Variants in EMCN observed in about 807,000 individuals in gnomAD.
EMCN encodes the protein endomucin, also known as MUC-14.
In EMCN, 37 loss-of-function variants were observed where a neutral mutation model predicts 38.4. That is an observed-to-expected ratio of 0.96 (90% CI 0.74 to 1.27). EMCN has a LOEUF of 1.27. EMCN is among the 50% of genes most tolerant of loss of function. The pLI, the probability that EMCN is intolerant of heterozygous loss-of-function variation, is 0.00. For synonymous variants in EMCN, 95 were observed against 100.8 expected, an observed-to-expected ratio of 0.94 and a Z score of 0.35; for missense variants, 318 against 302.8, an observed-to-expected ratio of 1.05 and a Z score of -0.37.
chr4:100,458,784 C>T (rs77178132), intron 4 of EMCN, among the ~76,000 whole-genome samples: 2,718 of 152,242 alleles, frequency 0.018, 39 homozygotes, highest in Non-Finnish European at 0.029. Flanking sequence ...CCCTTCTTTG[C>T]AGCTGGTGCT....
chr4:100,400,036 T>C (rs1282664066), intron 11 of EMCN, among the ~76,000 whole-genome samples: 1 of 152,144 alleles, frequency 6.6e-6, no homozygotes, highest in African/African-American at 2.4e-5. Context: ...CAATCCTTCA[T>C]GATTTATCTT....
chr4:100,454,759 G>A (rs942025321), intron 4 of EMCN, among the ~76,000 whole-genome samples: 17 of 152,110 alleles, frequency 1.1e-4, no homozygotes, highest in African/African-American at 3.4e-4. Context: ...AACATTTGGT[G>A]TCTTGTACTT....
chr4:100,447,425 C>A, intron 5 of EMCN, 108 bp downstream of exon 5: 1 of 754,316 alleles, frequency 1.3e-6, no homozygotes, highest in South Asian at 1.6e-5. Context: ...GTAATGTTTT[C>A]CCTTGTGCTA....
intron 11 of EMCN, among the ~76,000 whole-genome samples, chr4:100,398,934 C>A (rs150906920): frequency 1.3e-5 from 2 of 152,106 alleles, no homozygotes; most frequent in Non-Finnish European, 2.9e-5. Flanking sequence ...TCTCATATTC[C>A]TTTTCTGATT....
chr4:100,415,770 T>C (rs1162403274), intron 10 of EMCN, 128 bp downstream of exon 10: 2 of 606,126 alleles, frequency 3.3e-6, no homozygotes, highest in Non-Finnish European at 5.8e-6. Flanking sequence ...TTTACACTTA[T>C]TGACAGTAAT....
At chr4:100,456,036 T>G (rs1265798842) in intron 4 of EMCN, among the ~76,000 whole-genome samples, 3 of 152,108 alleles carry the variant, frequency 2.0e-5, no homozygotes, top group Admixed American at 6.6e-5. Flanking sequence ...CTCAAGCGAT[T>G]TGCCCACTTT....
chr4:100,410,889 C>T (rs555532930), intron 10 of EMCN, among the ~76,000 whole-genome samples: 1 of 152,222 alleles, frequency 6.6e-6, no homozygotes, highest in South Asian at 2.1e-4. Context: ...ATCCAATATA[C>T]AGAGAAATAT....
At chr4:100,474,853 G>T (rs1307602404) in intron 3 of EMCN, among the ~76,000 whole-genome samples, 185 bp downstream of exon 3, 1 of 152,136 alleles carries the variant, frequency 6.6e-6, no homozygotes, top group East Asian at 1.9e-4. Context: ...TATGGGAAGT[G>T]ATTGGTAATT....
intron 1 of EMCN, among the ~76,000 whole-genome samples, chr4:100,492,708 C>T (rs1729115840): frequency 6.6e-6 from 1 of 152,168 alleles, no homozygotes; most frequent in African/African-American, 2.4e-5. Flanking sequence ...CAACTATCAA[C>T]ATACTTCCCA....
chr4:100,429,309 A>G (rs1578188414), intron 5 of EMCN, among the ~76,000 whole-genome samples: 1 of 152,140 alleles, frequency 6.6e-6, no homozygotes, highest in Non-Finnish European at 1.5e-5. Context: ...AGTTGATGCA[A>G]TTCTGTGTTT....
At chr4:100,455,512 T>G (rs1037497740) in intron 4 of EMCN, among the ~76,000 whole-genome samples, 5 of 97,754 alleles carry the variant, frequency 5.1e-5, no homozygotes, top group African/African-American at 1.6e-4. Context: ...GTGAAAAGTT[T>G]TTTTTTTTTT....
chr4:100,470,278 T>C (rs1728439055), intron 3 of EMCN, among the ~76,000 whole-genome samples: 1 of 150,474 alleles, frequency 6.6e-6, no homozygotes, highest in Admixed American at 6.6e-5. Context: ...CCAACAATCA[T>C]ATAAAAAAAG....
chr4:100,447,420 G>A (rs1459138156), intron 5 of EMCN, 113 bp downstream of exon 5: 8 of 730,584 alleles, frequency 1.1e-5, no homozygotes, highest in Non-Finnish European at 1.9e-5. Context: ...GTGATGTAAT[G>A]TTTTCCCTTG....
At chr4:100,405,292 G>GTTTTCCCAGGAACAATTCCAGATGCT (rs1726363748) in intron 11 of EMCN, among the ~76,000 whole-genome samples, 1 of 152,012 alleles carries the variant, frequency 6.6e-6, no homozygotes, top group East Asian at 1.9e-4. Context: ...TTTTGTTACA[G>GTTTTCCCAGGAACAATTCCAGATGCT]TTTTCCCAGG....
intron 8 of EMCN, among the ~76,000 whole-genome samples, chr4:100,418,306 A>G (rs1726794705): frequency 6.6e-6 from 1 of 152,174 alleles, no homozygotes; most frequent in Non-Finnish European, 1.5e-5. Context: ...TTTATGGGGT[A>G]TAAGAGAGAT....
intron 1 of EMCN, among the ~76,000 whole-genome samples, chr4:100,515,855 C>CA (rs1729741709): frequency 6.6e-6 from 1 of 151,978 alleles, no homozygotes; most frequent in South Asian, 2.1e-4. Context: ...AACAAACAAA[C>CA]AAACAAAAAA....
At chr4:100,416,225 C>T (rs535451014) in intron 9 of EMCN, among the ~76,000 whole-genome samples, 2 of 152,118 alleles carry the variant, frequency 1.3e-5, no homozygotes, top group African/African-American at 4.8e-5. Context: ...TAAATCCCTG[C>T]CACTCTCTTA....
At chr4:100,424,745 A>G (rs1044809604) in intron 5 of EMCN, among the ~76,000 whole-genome samples, 1 of 152,094 alleles carries the variant, frequency 6.6e-6, no homozygotes, top group South Asian at 2.1e-4. Context: ...AAACCTTGGT[A>G]CTTTCAGCTG....
intron 1 of EMCN, among the ~76,000 whole-genome samples, chr4:100,514,351 T>C (rs1437764764): frequency 2.0e-5 from 3 of 152,110 alleles, no homozygotes; most frequent in Non-Finnish European, 4.4e-5. Flanking sequence ...TGCCAGTCAA[T>C]GATATGTCAA....
Sources: allele counts gnomAD v4.1 joint callset (sites outside exome capture counted in the v4.1 genomes callset), GRCh38; gene constraint gnomAD v4.1.1; transcripts MANE v1.5; gene names NCBI Gene and HGNC (gene_info 2026-07-23, HGNC 2026-07-21).